The following MARCHF5 variants were observed in gnomAD, a reference collection of about 807,000 sequenced individuals.
MARCHF5 encodes the protein membrane associated ring-CH-type finger 5, also known as E3 ubiquitin-protein ligase MARCHF5.
Under a neutral mutation model 36.5 loss-of-function variants are expected in MARCHF5, and 5 were observed. The observed-to-expected ratio is 0.14, with a 90% CI of 0.07 to 0.29. MARCHF5 has a LOEUF of 0.29. Among genes scored for constraint, MARCHF5 ranks in the 10% least tolerant of loss-of-function variants. The pLI, the probability that MARCHF5 is intolerant of heterozygous loss-of-function variation, is 1.00. For synonymous variants in MARCHF5, 103 were observed against 109.9 expected, an observed-to-expected ratio of 0.94 and a Z score of 0.39; for missense variants, 179 against 336.3, an observed-to-expected ratio of 0.53 and a Z score of 3.66.
rs145418862 is a variant in MARCHF5, at chr10:92,316,901, C to T, written c.238+5564C>T. On this transcript the variant is annotated intron_variant, in intron 2 of 5. Coordinates refer to ENST00000358935, the MANE Select transcript of MARCHF5 (RefSeq NM_017824.5). ...TTTTAATGAGATAATTGAGTGATTT[C>T]TATGCACATTAAATTTAAAAACCAT... Among the ~76,000 whole-genome samples the T allele has an allele frequency of 3.1e-3, 478 of 152,226 alleles. 2 individuals are homozygous for T. The highest frequency in any genetic ancestry group is 5.5e-3 in the Non-Finnish European group (374 of 68,006).
chr10:92,332,515 C>CTT (rs34226671), intron 2 of MARCHF5, among the ~76,000 whole-genome samples: 2,198 of 95,766 alleles, frequency 0.023, 43 homozygotes, highest in Middle Eastern at 0.042. Flanking sequence ...ATTCCCCATC[C>CTT]TTTTTTTTTT....
At chr10:92,328,817 A>T (rs866141766) in intron 2 of MARCHF5, among the ~76,000 whole-genome samples, 2,228 of 86,196 alleles carry the variant, frequency 0.026, 39 homozygotes, top group East Asian at 0.097. Context: ...ATATATATAT[A>T]TATATTTTTT....
intron 2 of MARCHF5, among the ~76,000 whole-genome samples, chr10:92,336,902 C>T (rs1319940320): frequency 5.3e-5 from 8 of 152,046 alleles, no homozygotes; most frequent in East Asian, 3.9e-4. Context: ...GTGGGCAGAT[C>T]GCTTGAGCCT....
intron 1 of MARCHF5, among the ~76,000 whole-genome samples, chr10:92,292,832 T>C (rs1383989794): frequency 1.3e-5 from 2 of 152,214 alleles, no homozygotes; most frequent in South Asian, 2.1e-4. Flanking sequence ...TGGTACTCAG[T>C]AGGTAATCAG....
intron 1 of MARCHF5, among the ~76,000 whole-genome samples, chr10:92,296,634 A>G (rs1342331443): frequency 6.6e-6 from 1 of 152,200 alleles, no homozygotes; most frequent in Non-Finnish European, 1.5e-5. Flanking sequence ...CCGTCTTAAA[A>G]TAAACACGCA....
chr10:92,292,960 T>C (rs768953891), intron 1 of MARCHF5, among the ~76,000 whole-genome samples: 5 of 152,200 alleles, frequency 3.3e-5, no homozygotes, highest in African/African-American at 7.2e-5. Flanking sequence ...TTGTGGCAAA[T>C]TAAAATATGC....
chr10:92,339,194 A>G (rs1041461979), intron 2 of MARCHF5, among the ~76,000 whole-genome samples: 10 of 151,258 alleles, frequency 6.6e-5, no homozygotes, highest in Non-Finnish European at 1.0e-4. Context: ...ACAGGGTGAA[A>G]CCCCATCTCT....
chr10:92,296,944 A>T (rs941987627), intron 1 of MARCHF5, among the ~76,000 whole-genome samples: 5 of 152,174 alleles, frequency 3.3e-5, no homozygotes, highest in Non-Finnish European at 5.9e-5. Flanking sequence ...CACCATGTTG[A>T]CAATTACAGA....
chr10:92,310,258 A>G (rs1843127928), intron 1 of MARCHF5, among the ~76,000 whole-genome samples: 1 of 152,192 alleles, frequency 6.6e-6, no homozygotes, highest in African/African-American at 2.4e-5. Flanking sequence ...TTCCACTTGT[A>G]CAAGTTCTAA....
At chr10:92,310,881 A>AAAGAT (rs1843136386) in intron 1 of MARCHF5, among the ~76,000 whole-genome samples, 2 of 152,224 alleles carry the variant, frequency 1.3e-5, no homozygotes, top group African/African-American at 4.8e-5. Context: ...GAATTACTGA[A>AAAGAT]AAGATAGAGG....
chr10:92,299,561 T>C (rs1842988370), intron 1 of MARCHF5, among the ~76,000 whole-genome samples: 1 of 152,144 alleles, frequency 6.6e-6, no homozygotes, highest in Non-Finnish European at 1.5e-5. Context: ...CCAAACAGAG[T>C]TAATAACTCC....
At chr10:92,337,576 G>A (rs1332843588) in intron 2 of MARCHF5, among the ~76,000 whole-genome samples, 2 of 151,810 alleles carry the variant, frequency 1.3e-5, no homozygotes, top group South Asian at 2.1e-4. Flanking sequence ...TTGTTGCAAA[G>A]GGAGCAATGA....
chr10:92,313,983 A>G (rs1843177128), intron 2 of MARCHF5, among the ~76,000 whole-genome samples: 1 of 152,140 alleles, frequency 6.6e-6, no homozygotes, highest in African/African-American at 2.4e-5. Context: ...GCTTGTGGTT[A>G]CGAGGTCAGG....
intron 1 of MARCHF5, among the ~76,000 whole-genome samples, chr10:92,299,502 C>T (rs1842987568): frequency 6.6e-6 from 1 of 152,046 alleles, no homozygotes; most frequent in Admixed American, 6.6e-5. Context: ...GAAGTCTTAC[C>T]CATATTGAAT....
At chr10:92,344,824 A>G (rs1442419282) in intron 3 of MARCHF5, among the ~76,000 whole-genome samples, 1 of 152,226 alleles carries the variant, frequency 6.6e-6, no homozygotes, top group Non-Finnish European at 1.5e-5. Flanking sequence ...TTTTATTGAA[A>G]AGACAACACA....
In MARCHF5 at chr10:92,351,774, A is replaced by G. The variant is rs1365168528; in HGVS notation, c.*567A>G. 2 of 152,652 alleles carry G rather than the reference A, an allele frequency of 1.3e-5. No individual in the cohort carries two copies. The highest frequency in any genetic ancestry group is 2.9e-5 in the Non-Finnish European group (2 of 68,036). The allele number at this position is 152,652 out of a possible 1,614,324, so 9.5% of individuals were successfully genotyped here. ...GATTTTGTGGTGTTTTCTTTAACCC[A>G]TGTGATGTCCTCCAAAATGTGTAGG... On this transcript the variant is annotated 3_prime_UTR_variant, in exon 6 of 6. Transcript: ENST00000358935.
chr10:92,347,493 GA>G lies in MARCHF5; in HGVS notation c.370-1855del, dbSNP rs1211821605. Among the ~76,000 whole-genome samples the G allele has an allele frequency of 2.4e-3, 197 of 80,968 alleles. 4 individuals are homozygous for G. The highest frequency in any genetic ancestry group is 1.0e-3 in the Non-Finnish European group (37 of 36,872). 53.1% of individuals were successfully genotyped at this position (80,968 alleles called of 152,430 possible). A position where few individuals can be genotyped will look rare whatever the true frequency, so the allele number is the denominator to read the frequency against. ...AGATAGATAGATAGATAGATAGATA[GA>G]TAGATAGATAGATAGATAGATAGAT... On this transcript the variant is annotated intron_variant, in intron 3 of 5. Transcript: ENST00000358935.
intron 1 of MARCHF5, among the ~76,000 whole-genome samples, chr10:92,305,830 G>A (rs747026882): frequency 6.6e-5 from 10 of 152,138 alleles, no homozygotes; most frequent in Non-Finnish European, 1.3e-4. Context: ...CTCAGGAGGC[G>A]GAGGTGGGAG....
intron 2 of MARCHF5, chr10:92,333,564 G>C: frequency 4.0e-6 from 3 of 748,154 alleles, no homozygotes; most frequent in Non-Finnish European, 4.9e-6. Flanking sequence ...AAAGGATATT[G>C]AGACAACTGA....
Sources: gnomAD v4.1 joint callset for allele counts (sites outside exome capture counted in the v4.1 genomes callset) on GRCh38, gnomAD v4.1.1 for gene constraint, MANE v1.5 for transcripts, NCBI Gene and HGNC (gene_info 2026-07-23, HGNC 2026-07-21) for gene names.